Variants in SLC35D4 observed in about 807,000 individuals in gnomAD.
SLC35D4 encodes the protein solute carrier family 35 member D4, also known as UDP-N-acetylglucosamine transporter SLC35D4.
the SLC35D4 span, among the ~76,000 whole-genome samples, chr18:23,290,070 G>A: frequency 2.5e-3 from 375 of 152,280 alleles, no homozygotes; most frequent in Non-Finnish European, 4.0e-3. Flanking sequence ...TCCATCAGAG[G>A]CCCCTGGAGA....
the SLC35D4 span, among the ~76,000 whole-genome samples, chr18:23,272,255 G>A: frequency 1.3e-5 from 2 of 152,092 alleles, no homozygotes; most frequent in Non-Finnish European, 2.9e-5. Context: ...TGCTGTGGAG[G>A]CAACAGGTCC....
the SLC35D4 span, among the ~76,000 whole-genome samples, chr18:23,345,047 T>C: frequency 2.0e-5 from 3 of 152,234 alleles, no homozygotes; most frequent in Non-Finnish European, 4.4e-5. Flanking sequence ...TGTTATGTTT[T>C]CTTCTAATAG....
the SLC35D4 span, among the ~76,000 whole-genome samples, chr18:23,260,680 A>C: frequency 6.6e-6 from 1 of 152,068 alleles, no homozygotes; most frequent in Non-Finnish European, 1.5e-5. Flanking sequence ...TCAGCAACAA[A>C]AGACATCTTT....
At chr18:23,401,303 C>T in the SLC35D4 span, among the ~76,000 whole-genome samples, 1 of 152,190 alleles carries the variant, frequency 6.6e-6, no homozygotes, top group African/African-American at 2.4e-5. Flanking sequence ...CATATTTTGC[C>T]TTCACGGACC....
chr18:23,378,788 G>T, the SLC35D4 span, among the ~76,000 whole-genome samples: 4 of 152,226 alleles, frequency 2.6e-5, no homozygotes, highest in Non-Finnish European at 5.9e-5. Flanking sequence ...TTTGATGCTA[G>T]TTCAGGCAGT....
the SLC35D4 span, chr18:23,257,015 G>A: frequency 4.2e-5 from 24 of 572,554 alleles, no homozygotes; most frequent in African/African-American, 7.6e-5. Flanking sequence ...GTGTGGTTCC[G>A]GGCAGCCCCT....
the SLC35D4 span, among the ~76,000 whole-genome samples, chr18:23,300,639 T>C: frequency 6.6e-6 from 1 of 152,244 alleles, no homozygotes; most frequent in Non-Finnish European, 1.5e-5. Flanking sequence ...GCTTTGATGT[T>C]GTTTTCTAAA....
chr18:23,314,131 G>A, the SLC35D4 span, among the ~76,000 whole-genome samples: 3 of 152,224 alleles, frequency 2.0e-5, no homozygotes, highest in Non-Finnish European at 4.4e-5. Context: ...CACCTTCAGA[G>A]CTCCAGAGCC....
At chr18:23,393,200 C>T in the SLC35D4 span, among the ~76,000 whole-genome samples, 1 of 152,084 alleles carries the variant, frequency 6.6e-6, no homozygotes, top group East Asian at 1.9e-4. Context: ...TAGGCGTGAG[C>T]CACCGAGCCT....
chr18:23,325,858 A>G, the SLC35D4 span, among the ~76,000 whole-genome samples: 1 of 152,228 alleles, frequency 6.6e-6, no homozygotes, highest in East Asian at 1.9e-4. Flanking sequence ...TACAGCCAGG[A>G]GCCCATCAAG....
At chr18:23,426,473 C>CTT in the SLC35D4 span, among the ~76,000 whole-genome samples, 1 of 152,086 alleles carries the variant, frequency 6.6e-6, no homozygotes, top group Admixed American at 6.6e-5. Context: ...ATGTGAAGGA[C>CTT]CTCTCCAAGG....
At chr18:23,266,905 G>A in the SLC35D4 span, among the ~76,000 whole-genome samples, 1 of 152,352 alleles carries the variant, frequency 6.6e-6, no homozygotes, top group East Asian at 1.9e-4. Context: ...GAAGCTCAGG[G>A]AGTGACTCCT....
At chr18:23,437,768 C>T in the SLC35D4 span, 1 of 1,608,630 alleles carries the variant, frequency 6.2e-7, no homozygotes, top group East Asian at 2.3e-5. Flanking sequence ...GCCTCCCGCG[C>T]CCGCCCCCTC....
the SLC35D4 span, among the ~76,000 whole-genome samples, chr18:23,378,053 T>C: frequency 3.9e-5 from 6 of 151,970 alleles, no homozygotes; most frequent in South Asian, 1.0e-3. Flanking sequence ...ATCTATCTAG[T>C]ATCACTCTGT....
At chr18:23,428,980 G>A in the SLC35D4 span, among the ~76,000 whole-genome samples, 1 of 152,180 alleles carries the variant, frequency 6.6e-6, no homozygotes, top group Non-Finnish European at 1.5e-5. Context: ...TTAGGATAAT[G>A]ACCTTCAGCT....
the SLC35D4 span, among the ~76,000 whole-genome samples, chr18:23,387,418 C>CTATA: frequency 3.0e-4 from 45 of 152,246 alleles, no homozygotes; most frequent in African/African-American, 1.0e-3. Flanking sequence ...GACCCAAATA[C>CTATA]TATAGGTTAA....
chr18:23,402,194 G>A, the SLC35D4 span, among the ~76,000 whole-genome samples: 2 of 152,206 alleles, frequency 1.3e-5, no homozygotes, highest in Non-Finnish European at 2.9e-5. Flanking sequence ...CCGCTGCTAA[G>A]AATACATTTG....
the SLC35D4 span, among the ~76,000 whole-genome samples, chr18:23,426,649 C>T: frequency 6.6e-6 from 1 of 152,116 alleles, no homozygotes; most frequent in Non-Finnish European, 1.5e-5. Context: ...ACTTTCTTCA[C>T]AGAATTGGAA....
the SLC35D4 span, among the ~76,000 whole-genome samples, chr18:23,417,873 A>G: frequency 6.6e-6 from 1 of 152,338 alleles, no homozygotes; most frequent in East Asian, 1.9e-4. Context: ...AGTGGTCCCC[A>G]GGCTATAATG....
Sources: allele counts gnomAD v4.1 joint callset (sites outside exome capture counted in the v4.1 genomes callset), GRCh38; gene constraint gnomAD v4.1.1; transcripts MANE v1.5; gene names NCBI Gene and HGNC (gene_info 2026-07-23, HGNC 2026-07-21).